Variants in MGAT4C observed in about 807,000 individuals in gnomAD.
The protein encoded by MGAT4C is alpha-1,3-mannosyl-glycoprotein 4-beta-N-acetylglucosaminyltransferase C.
Under a neutral mutation model 40.1 loss-of-function variants are expected in MGAT4C, and 19 were observed. That is an observed-to-expected ratio of 0.47 (90% CI 0.33 to 0.70). MGAT4C has a LOEUF of 0.70. Among genes scored for constraint, MGAT4C ranks in the 30% least tolerant of loss-of-function variants. MGAT4C has a pLI of 0.02. For synonymous variants in MGAT4C, 181 were observed against 187.1 expected (o/e 0.97, Z 0.27); for missense variants, 491 against 563.2 (o/e 0.87, Z 1.30).
At chr12:86,799,370 T>C (rs2136201315) in intron 1 of MGAT4C, among the ~76,000 whole-genome samples, 1 of 151,992 alleles carries the variant, frequency 6.6e-6, no homozygotes, top group South Asian at 2.1e-4. Flanking sequence ...GAAAAAAATT[T>C]TCAGGTTTAA....
chr12:86,413,468 A>G (rs188757096), intron 3 of MGAT4C, among the ~76,000 whole-genome samples: 5 of 152,292 alleles, frequency 3.3e-5, no homozygotes, highest in Non-Finnish European at 7.4e-5. Context: ...ACAAATTGAT[A>G]CTCATGTTAC....
intron 2 of MGAT4C, among the ~76,000 whole-genome samples, chr12:86,564,067 T>G (rs1002754910): frequency 5.9e-5 from 9 of 152,138 alleles, no homozygotes; most frequent in Non-Finnish European, 1.0e-4. Flanking sequence ...AAGAGATTAG[T>G]GCCACCATCA....
intron 2 of MGAT4C, among the ~76,000 whole-genome samples, chr12:86,014,260 T>A (rs2136833104): frequency 6.6e-6 from 1 of 152,300 alleles, no homozygotes; most frequent in Admixed American, 6.5e-5. Flanking sequence ...TGGTTTTCCC[T>A]ACCTGTTCAT....
Position 86,748,360 on chromosome 12 carries a change from G to C in MGAT4C, c.-261-21119C>G, listed in dbSNP as rs1015090582. 3.3e-5 allele frequency among the ~76,000 whole-genome samples: 5 copies of C among 151,650 alleles called. No homozygotes were observed. The Admixed American group carries it at 3.3e-4, about 10-fold the overall frequency. On this transcript the variant is annotated intron_variant, in intron 1 of 7. Coordinates refer to the MGAT4C transcript ENST00000548651. Reference sequence around the variant, plus strand: ...CAAGAATTTATGATTATAGAAACTGGAAGCCTGGCGAAGAGCCAGAAATTA... The same window carrying C: ...CAAGAATTTATGATTATAGAAACTGCAAGCCTGGCGAAGAGCCAGAAATTA...
At chr12:86,141,262 G>A (rs567185977) in intron 1 of MGAT4C, among the ~76,000 whole-genome samples, 1 of 152,242 alleles carries the variant, frequency 6.6e-6, no homozygotes, top group South Asian at 2.1e-4. Flanking sequence ...TTTTACAAAG[G>A]ATACAATTCT....
chr12:86,151,437 C>T (rs1162172531), intron 1 of MGAT4C, among the ~76,000 whole-genome samples: 1 of 152,050 alleles, frequency 6.6e-6, no homozygotes, highest in Non-Finnish European at 1.5e-5. Flanking sequence ...ACGGTGAAAC[C>T]CCGTCTCTAC....
intron 3 of MGAT4C, among the ~76,000 whole-genome samples, chr12:86,385,797 A>G (rs1228171354): frequency 6.6e-6 from 1 of 152,188 alleles, no homozygotes; most frequent in East Asian, 1.9e-4. Context: ...CTCAAATTAA[A>G]TTCAGATAAT....
At chr12:86,822,429 C>T (rs1952721553) in intron 1 of MGAT4C, among the ~76,000 whole-genome samples, 1 of 150,772 alleles carries the variant, frequency 6.6e-6, no homozygotes, top group Non-Finnish European at 1.5e-5. Flanking sequence ...TAAAATAGAC[C>T]TATCTAAATG....
chr12:86,259,000 A>G (rs1175629331), upstream of MGAT4C, among the ~76,000 whole-genome samples: 9 of 151,962 alleles, frequency 5.9e-5, no homozygotes, highest in Non-Finnish European at 1.2e-4. Context: ...TTAAATAATT[A>G]CATTTATACA....
At chr12:86,094,562 C>G (rs533021577) in intron 1 of MGAT4C, among the ~76,000 whole-genome samples, 4 of 152,216 alleles carry the variant, frequency 2.6e-5, no homozygotes, top group African/African-American at 9.6e-5. Flanking sequence ...ACCTAATGTA[C>G]TGGCAGATAT....
At chr12:86,041,802 T>G (rs970898657) in intron 2 of MGAT4C, among the ~76,000 whole-genome samples, 1 of 152,194 alleles carries the variant, frequency 6.6e-6, no homozygotes, top group African/African-American at 2.4e-5. Context: ...CTGTTGTTTT[T>G]GGGTGGAGAG....
intron 2 of MGAT4C, among the ~76,000 whole-genome samples, chr12:86,504,779 C>T (rs1303273336): frequency 6.6e-5 from 10 of 152,006 alleles, no homozygotes; most frequent in African/African-American, 1.9e-4. Context: ...CTCCGCCTCC[C>T]GGGTTCAAGC....
At chr12:86,351,756 T>C (rs937447643) in intron 3 of MGAT4C, among the ~76,000 whole-genome samples, 9 of 152,012 alleles carry the variant, frequency 5.9e-5, no homozygotes, top group Non-Finnish European at 8.8e-5. Flanking sequence ...TTGCATACCA[T>C]CTTAATCAGT....
chr12:86,667,686 G>A (rs1964149524), intron 2 of MGAT4C, among the ~76,000 whole-genome samples: 1 of 152,104 alleles, frequency 6.6e-6, no homozygotes, highest in African/African-American at 2.4e-5. Flanking sequence ...CAATACAAAT[G>A]TATTTATGAA....
intron 2 of MGAT4C, among the ~76,000 whole-genome samples, chr12:86,015,234 C>T (rs1039686058): frequency 4.0e-5 from 6 of 148,766 alleles, no homozygotes; most frequent in Non-Finnish European, 8.9e-5. Flanking sequence ...GCGGTTTTTC[C>T]GCAATTACTT....
chr12:86,509,545 C>T (rs900074866), intron 2 of MGAT4C, among the ~76,000 whole-genome samples: 11 of 152,060 alleles, frequency 7.2e-5, no homozygotes, highest in African/African-American at 2.4e-4. Context: ...GCGATGGGGG[C>T]TCTTTTTTGG....
intron 1 of MGAT4C, among the ~76,000 whole-genome samples, chr12:86,229,248 G>A (rs1040570885): frequency 6.6e-6 from 1 of 151,946 alleles, no homozygotes; most frequent in African/African-American, 2.4e-5. Flanking sequence ...AATGCTTAAT[G>A]TCTTAAAACA....
chr12:86,696,094 C>T (rs1210057937), intron 2 of MGAT4C, among the ~76,000 whole-genome samples: 1 of 151,838 alleles, frequency 6.6e-6, no homozygotes, highest in Non-Finnish European at 1.5e-5. Context: ...CACCTGTATT[C>T]CCAACTACTG....
At chr12:86,719,423 C>A (rs1186858980) in intron 2 of MGAT4C, among the ~76,000 whole-genome samples, 1 of 152,132 alleles carries the variant, frequency 6.6e-6, no homozygotes, top group East Asian at 1.9e-4. Flanking sequence ...AGCTAACATA[C>A]AATGATGGCT....
Sources: allele counts gnomAD v4.1 joint callset (sites outside exome capture counted in the v4.1 genomes callset), GRCh38; gene constraint gnomAD v4.1.1; transcripts MANE v1.5; gene names NCBI Gene and HGNC (gene_info 2026-07-23, HGNC 2026-07-21).